The following AIFM1 variants were observed in gnomAD, a reference collection of about 807,000 sequenced individuals.
The protein encoded by AIFM1 is apoptosis-inducing factor 1, mitochondrial.
A neutral mutation model predicts 51.7 loss-of-function variants in AIFM1; 3 were observed. That is an observed-to-expected ratio of 0.06 (90% confidence interval 0.03 to 0.15). AIFM1 has a LOEUF of 0.15. Among genes scored for constraint, AIFM1 ranks in the 10% least tolerant of loss-of-function variants. AIFM1 has a pLI of 1.00. For synonymous variants in AIFM1, 178 were observed against 179.4 expected, an observed-to-expected ratio of 0.99 and a Z score of 0.06; for missense variants, 330 against 476.8, an observed-to-expected ratio of 0.69 and a Z score of 2.87.
chrX:130,155,864 G>A (rs898310804), intron 2 of AIFM1, among the ~76,000 whole-genome samples: 1 of 111,744 alleles, frequency 8.9e-6, no homozygotes, highest in East Asian at 2.8e-4. Context: ...GTTCATTTAA[G>A]GAGATATAAT....
At chrX:130,151,417 G>A (rs1009807945) in intron 2 of AIFM1, among the ~76,000 whole-genome samples, 4 of 111,219 alleles carry the variant, frequency 3.6e-5, no homozygotes, top group Non-Finnish European at 7.5e-5. Flanking sequence ...GGGATTACAT[G>A]CGTGAGCCAC....
At chrX:130,147,960 C>G in intron 3 of AIFM1, 84 bp from the exon 4 acceptor site, 1 of 1,133,009 alleles carries the variant, frequency 8.8e-7, no homozygotes, top group Non-Finnish European at 1.2e-6. Context: ...TCACCTTGCA[C>G]TTGTCTCAAT....
Position 130,130,085 on chromosome X carries a change from T to C in AIFM1, c.1655A>G (p.Gln552Arg). 5 of 1,211,980 alleles carry C rather than the reference T, an allele frequency of 4.1e-6. No homozygotes were observed. The highest frequency in any genetic ancestry group is 5.6e-6 in the Non-Finnish European group (5 of 895,528). The change falls in exon 15 of 16, where the codon CAG becomes CGG. Residue 552 changes from glutamine to arginine, a missense_variant. Around this residue, in one of 4 missense-constraint regions of AIFM1, gnomAD observed 56 missense variants for 48.8 expected, o/e 1.15. Transcript: ENST00000287295. ...GTAGTCCTCCCCCTGGACGGGAGCC[T>C]GTGGAACTGCCGGGGTGCTGGGAGG... ...TIPPSTPAVP[Q>R]APVQGEDYGK...
rs992624287 is a variant in AIFM1, at chrX:130,144,385, C to T, written c.696+1094G>A. On this transcript the variant is annotated intron_variant, in intron 6 of 15. Coordinates refer to ENST00000287295, the MANE Select transcript of AIFM1 (RefSeq NM_004208.4). ...AAAAAGCTCTTTCACGCAAAGCCCT[C>T]CACAATCAGGCCCCTTGCATAACTT... Among the ~76,000 whole-genome samples the T allele has an allele frequency of 1.1e-4, 12 of 112,043 alleles. 1 individual carries two copies. The highest frequency in any genetic ancestry group is 3.9e-4 in the African/African-American group (12 of 30,868).
At chrX:130,130,455 G>A (rs762545566) in intron 14 of AIFM1, among the ~76,000 whole-genome samples, 12 of 111,884 alleles carry the variant, frequency 1.1e-4, no homozygotes, top group Admixed American at 3.8e-4. Context: ...AATATTTCCT[G>A]GTATCTGGAT....
In AIFM1 at chrX:130,138,704, G is replaced by A. The variant is rs1387814892; in HGVS notation, c.859-3C>T. ...TCCAAGCTTCTAAAGTCTCCAATCT[G>A]CAGGATCACATCAGTTTAGTCCATT... On this transcript the variant is annotated splice_region_variant and splice_polypyrimidine_tract_variant and intron_variant, in intron 8 of 15. Coordinates refer to ENST00000287295, the MANE Select transcript of AIFM1 (RefSeq NM_004208.4). The A allele has an allele frequency of 8.7e-7, 1 of 1,151,188 alleles. No individual in the cohort carries two copies. The highest frequency in any genetic ancestry group is 1.8e-5 in the African/African-American group (1 of 55,955). 94.9% of individuals were successfully genotyped at this position (1,151,188 alleles called of 1,213,427 possible). A position where few individuals can be genotyped will look rare whatever the true frequency, so the allele number is the denominator to read the frequency against.
chrX:130,132,223 A>T (rs1412402011), intron 13 of AIFM1, among the ~76,000 whole-genome samples: 3 of 112,255 alleles, frequency 2.7e-5, no homozygotes, highest in African/African-American at 9.7e-5. Context: ...ATCACGAGAG[A>T]TGCCAACTGA....
rs752742151 is a variant in AIFM1 at position 130,147,774 on chromosome X, C to T, written c.452G>A (p.Arg151Gln). The part of the protein sequence containing the change: ...TAAFAAARSI[R>Q]ARDPGARVLI... ...TACCCTGGCCCCAGGATCCCGAGCCCGGATGGATCTGGCTGCAGCAAAAGC... is the reference window on the plus strand; with the variant it reads ...TACCCTGGCCCCAGGATCCCGAGCCTGGATGGATCTGGCTGCAGCAAAAGC... The change falls in exon 4 of 16, where the codon CGG becomes CAG. Residue 151 changes from arginine to glutamine, a missense_variant. Around this residue, in one of 4 missense-constraint regions of AIFM1, gnomAD observed 152 missense variants for 292.8 expected, o/e 0.52. Transcript: ENST00000287295. 1.2e-5 allele frequency: 14 copies of T among 1,210,520 alleles called. No homozygotes were observed. Among genetic ancestry groups the T allele is most frequent in the Admixed American group, 4.4e-5 (2 of 45,773 alleles).
At chrX:130,147,662 T>C in intron 4 of AIFM1, 39 bp from the exon 5 acceptor site, 5 of 1,211,747 alleles carry the variant, frequency 4.1e-6, no homozygotes, top group Non-Finnish European at 5.6e-6. Context: ...CAGAGCCAAG[T>C]CATTTAAGGG....
At chrX:130,149,396 C>A in intron 3 of AIFM1, 73 bp downstream of exon 3, 1 of 893,068 alleles carries the variant, frequency 1.1e-6, no homozygotes, top group Non-Finnish European at 1.6e-6. Context: ...ATCCATAAAT[C>A]ACAGCACCCA....
At chrX:130,147,323 T>A (rs1404142690) in intron 5 of AIFM1, among the ~76,000 whole-genome samples, 170 bp downstream of exon 5, 1 of 112,206 alleles carries the variant, frequency 8.9e-6, no homozygotes. Flanking sequence ...CCAGGACTCT[T>A]GCCCTTTGTA....
chrX:130,157,664 T>C (rs1265345140), intron 1 of AIFM1, among the ~76,000 whole-genome samples: 2 of 112,217 alleles, frequency 1.8e-5, no homozygotes, highest in Non-Finnish European at 3.8e-5. Flanking sequence ...TCTTTTTTTT[T>C]TCAGCCGTTT....
chrX:130,142,755 C>T (rs1412247947), intron 6 of AIFM1, among the ~76,000 whole-genome samples: 1 of 111,384 alleles, frequency 9.0e-6, no homozygotes, highest in Non-Finnish European at 1.9e-5. Context: ...AAGCGATTCT[C>T]GTGCTTCAGC....
intron 1 of AIFM1, among the ~76,000 whole-genome samples, chrX:130,163,173 G>A (rs1603232157): frequency 9.1e-6 from 1 of 110,053 alleles, no homozygotes; most frequent in African/African-American, 3.3e-5. Context: ...AGCCCGGCGT[G>A]GTGGTGCATG....
chrX:130,156,715 C>G, intron 1 of AIFM1, 112 bp from the exon 2 acceptor site: 1 of 839,379 alleles, frequency 1.2e-6, no homozygotes, highest in Non-Finnish European at 1.7e-6. Flanking sequence ...AGATATTCAC[C>G]GTTAAATGAT....
chrX:130,136,953 T>C, intron 10 of AIFM1, 125 bp downstream of exon 10: 1 of 1,171,635 alleles, frequency 8.5e-7, no homozygotes, highest in Non-Finnish European at 1.1e-6. Flanking sequence ...GACTGGAGAA[T>C]GGTGGAAACA....
chrX:130,162,481 C>T (rs1245540645), intron 1 of AIFM1, among the ~76,000 whole-genome samples: 1 of 112,333 alleles, frequency 8.9e-6, no homozygotes, highest in African/African-American at 3.2e-5. Flanking sequence ...AAAGCTAAGA[C>T]ATGCAGTAAC....
intron 1 of AIFM1, among the ~76,000 whole-genome samples, chrX:130,159,735 T>C (rs1363935206): frequency 2.8e-5 from 3 of 108,533 alleles, no homozygotes; most frequent in Non-Finnish European, 5.7e-5. Context: ...TTTCACAAAC[T>C]GATAATACTA....
chrX:130,135,462 T>C (rs1438161300), intron 12 of AIFM1, among the ~76,000 whole-genome samples: 1 of 100,603 alleles, frequency 9.9e-6, no homozygotes. Context: ...AAAAACAAGG[T>C]TTGGAGGGGG....
Sources: allele counts gnomAD v4.1 joint callset (sites outside exome capture counted in the v4.1 genomes callset), GRCh38; gene constraint gnomAD v4.1.1; regional missense constraint gnomAD v4.1.1; transcripts MANE v1.5; gene names NCBI Gene and HGNC (gene_info 2026-07-23, HGNC 2026-07-21).